FSTL5: variants seen among roughly 807,000 people sequenced by gnomAD.
FSTL5 encodes the protein follistatin-related protein 5.
FSTL5 carries 62 observed loss-of-function variants against 89.1 expected under a neutral mutation model. The ratio of observed to expected loss-of-function variants is 0.70; its 90% confidence interval spans 0.57 to 0.86. FSTL5 has a LOEUF of 0.86. Ranked by LOEUF, FSTL5 falls within the 40% of genes least tolerant of loss-of-function variation. FSTL5 has a pLI of 0.00. For synonymous variants in FSTL5, 383 were observed against 346.2 expected (o/e 1.11, Z -1.18); for missense variants, 1,057 against 1,001.6 (o/e 1.06, Z -0.75).
At chr4:161,495,130 TA>T (rs1259818588) in intron 12 of FSTL5, 1 of 152,084 alleles carries the variant, frequency 6.6e-6, no homozygotes, top group Non-Finnish European at 1.5e-5. Flanking sequence ...ATATAAGACA[TA>T]TGCATAATAA....
At position 161,431,580 on chromosome 4, in the gene FSTL5, CA is replaced by C. The variant is rs1732373314; in HGVS notation, c.1841+23423del. Among the ~76,000 whole-genome samples the C allele has an allele frequency of 1.3e-5, 2 of 151,488 alleles. 1 individual carries two copies. Among genetic ancestry groups the C allele is most frequent in the South Asian group, 4.2e-4 (2 of 4,804 alleles). On this transcript the variant is annotated intron_variant, in intron 15 of 15. Transcript: ENST00000306100. ...AGAAGACCACAAAACAACCAGAAAA[CA>C]ACAATAAAATGGCAGAAGTAAGTTC...
rs186560744 is a variant in FSTL5, at chr4:161,528,254, C to T, written c.1312+9912G>A. On this transcript the variant is annotated intron_variant, in intron 10 of 15. Coordinates refer to ENST00000306100, the MANE Select transcript of FSTL5 (RefSeq NM_020116.5). Reference sequence around the variant, plus strand: ...GTCACATGTATACATATGTAACTAACCTGCACATTGTGCACATGTACCCTA... The same window carrying T: ...GTCACATGTATACATATGTAACTAATCTGCACATTGTGCACATGTACCCTA... Among the ~76,000 whole-genome samples the T allele has an allele frequency of 7.9e-3, 1,114 of 140,592 alleles. 105 individuals are homozygous for T. The highest frequency in any genetic ancestry group is 0.027 in the African/African-American group (1,048 of 39,330). 92.2% of individuals were successfully genotyped at this position (140,592 alleles called of 152,430 possible).
chr4:161,646,707 T>C (rs1388278389), intron 7 of FSTL5, among the ~76,000 whole-genome samples: 3 of 152,156 alleles, frequency 2.0e-5, no homozygotes, highest in African/African-American at 7.2e-5. Context: ...TATCTGTCTG[T>C]GTTTTTCTCT....
chr4:161,651,496 C>G (rs935660980), intron 7 of FSTL5, among the ~76,000 whole-genome samples: 2 of 151,426 alleles, frequency 1.3e-5, no homozygotes, highest in African/African-American at 4.9e-5. Flanking sequence ...GGTATATGTA[C>G]TCTTTGAAAC....
chr4:162,089,301 T>G (rs1462707122), intron 2 of FSTL5, among the ~76,000 whole-genome samples: 1 of 152,020 alleles, frequency 6.6e-6, no homozygotes, highest in African/African-American at 2.4e-5. Context: ...TGATGGAGTT[T>G]TTTCTGGGAC....
At chr4:161,523,395 C>G (rs1032278281) in intron 10 of FSTL5, among the ~76,000 whole-genome samples, 2 of 152,150 alleles carry the variant, frequency 1.3e-5, no homozygotes, top group African/African-American at 2.4e-5. Flanking sequence ...AGATTACCTT[C>G]TATCTATTAT....
At chr4:162,089,839 T>C (rs369770402) in intron 2 of FSTL5, among the ~76,000 whole-genome samples, 4 of 152,210 alleles carry the variant, frequency 2.6e-5, no homozygotes, top group African/African-American at 9.6e-5. Context: ...TAAAATTACA[T>C]TTCATTAAAA....
rs932910068 is a variant in FSTL5 at position 161,776,085 on chromosome 4, A to G, written c.410-11T>C. 7.4e-6 allele frequency: 10 copies of G among 1,343,440 alleles called. No individual in the cohort carries two copies. The highest frequency in any genetic ancestry group is 9.0e-6 in the Non-Finnish European group (9 of 996,436). The allele number at this position is 1,343,440 out of a possible 1,614,324, so 83.2% of individuals were successfully genotyped here. On this transcript the variant is annotated splice_polypyrimidine_tract_variant and intron_variant, in intron 4 of 15. Coordinates refer to ENST00000306100, the MANE Select transcript of FSTL5 (RefSeq NM_020116.5). Reference sequence around the variant, plus strand: ...TCTTGCACTTATCTCCTGTAACAAAAGAACTAGTTATTTTCAAGCAATATT... The same window carrying G: ...TCTTGCACTTATCTCCTGTAACAAAGGAACTAGTTATTTTCAAGCAATATT...
intron 4 of FSTL5, among the ~76,000 whole-genome samples, chr4:161,907,653 C>G (rs1733574455): frequency 6.6e-6 from 1 of 152,074 alleles, no homozygotes; most frequent in Non-Finnish European, 1.5e-5. Flanking sequence ...CACTTACTAT[C>G]TGAAAGTCAG....
chr4:161,436,820 C>A (rs999985935), intron 15 of FSTL5, among the ~76,000 whole-genome samples: 3 of 152,030 alleles, frequency 2.0e-5, no homozygotes, highest in African/African-American at 7.2e-5. Context: ...ATAGAGAAAA[C>A]AAAAGAAAAT....
At chr4:161,662,903 G>C (rs2126689103) in intron 6 of FSTL5, among the ~76,000 whole-genome samples, 1 of 152,246 alleles carries the variant, frequency 6.6e-6, no homozygotes, top group Admixed American at 6.5e-5. Context: ...AGATTCTGAG[G>C]CTGGGGAGAC....
At chr4:161,476,181 T>TTTTG (rs779321186) in intron 13 of FSTL5, among the ~76,000 whole-genome samples, 15,839 of 117,236 alleles carry the variant, frequency 0.14, 1,560 homozygotes, top group East Asian at 0.31. Flanking sequence ...TGGTTTTTTT[T>TTTTG]TTTTTTTGTT....
intron 15 of FSTL5, among the ~76,000 whole-genome samples, chr4:161,434,092 C>A (rs1267329361): frequency 6.6e-6 from 1 of 151,916 alleles, no homozygotes; most frequent in East Asian, 1.9e-4. Flanking sequence ...TCAGAATAGC[C>A]AAAGCAATCC....
Position 161,568,358 on chromosome 4 carries a change from C to T in FSTL5, c.1015+19097G>A, listed in dbSNP as rs148297209. Among the ~76,000 whole-genome samples the T allele has an allele frequency of 3.7e-4, 56 of 152,222 alleles. No individual in the cohort carries two copies. In the East Asian group the frequency reaches 0.01, roughly 27 times the overall value. On this transcript the variant is annotated intron_variant, in intron 8 of 15. Coordinates refer to ENST00000306100, the MANE Select transcript of FSTL5 (RefSeq NM_020116.5). ...ATAAAGTGCAGTTGACACAGTAACA[C>T]CAGGAAGAATCAAAGCTTTTGAAAT...
chr4:162,000,838 A>T (rs975027730), intron 3 of FSTL5, among the ~76,000 whole-genome samples: 1 of 152,166 alleles, frequency 6.6e-6, no homozygotes, highest in Middle Eastern at 3.2e-3. Context: ...TAAGAATTAC[A>T]GCCCTTGGCA....
chr4:162,115,651 G>A (rs1731608898), intron 1 of FSTL5, among the ~76,000 whole-genome samples: 1 of 152,064 alleles, frequency 6.6e-6, no homozygotes, highest in Non-Finnish European at 1.5e-5. Flanking sequence ...TTAACTTGAA[G>A]AAAACAAAAT....
At chr4:161,902,505 T>G (rs1482734833) in intron 4 of FSTL5, among the ~76,000 whole-genome samples, 1 of 152,202 alleles carries the variant, frequency 6.6e-6, no homozygotes, top group Admixed American at 6.5e-5. Context: ...TGAATGTGTG[T>G]CTTTTTAAAG....
At chr4:161,624,625 T>A (rs1429300278) in intron 7 of FSTL5, among the ~76,000 whole-genome samples, 3 of 152,052 alleles carry the variant, frequency 2.0e-5, no homozygotes, top group Admixed American at 6.6e-5. Flanking sequence ...GCTCTTCATA[T>A]TAAAAACCTT....
chr4:161,830,124 A>AT (rs1415260733), intron 4 of FSTL5, among the ~76,000 whole-genome samples: 2 of 152,074 alleles, frequency 1.3e-5, no homozygotes, highest in African/African-American at 4.8e-5. Flanking sequence ...TATATTTGAT[A>AT]TTGTGCAAAT....
Sources: allele counts gnomAD v4.1 joint callset (sites outside exome capture counted in the v4.1 genomes callset), GRCh38; gene constraint gnomAD v4.1.1; transcripts MANE v1.5; gene names NCBI Gene and HGNC (gene_info 2026-07-23, HGNC 2026-07-21).